The following ZNF362 variants were observed in gnomAD, a reference collection of about 807,000 sequenced individuals.
ZNF362 encodes zinc finger protein 362, also known as rotund homolog.
Under a neutral mutation model 42.9 loss-of-function variants are expected in ZNF362, and 11 were observed. The observed-to-expected ratio is 0.26, with a 90% confidence interval of 0.16 to 0.42. ZNF362 has a LOEUF of 0.42. ZNF362 is among the 20% of genes least tolerant of loss of function. The probability of loss-of-function intolerance (pLI) is 1.00; values close to 1 mark genes in which losing one functional copy is unlikely to be tolerated. For missense variants in ZNF362, 362 were observed against 576.2 expected (o/e 0.63, Z 3.81); for synonymous variants, 255 against 257.3 (o/e 0.99, Z 0.09).
the ZNF362 span, among the ~76,000 whole-genome samples, chr1:33,154,603 C>G: frequency 1.5e-4 from 22 of 147,060 alleles, no homozygotes; most frequent in East Asian, 1.0e-3. Context: ...TTCAAGACCA[C>G]CCTGGCCAAC....
the ZNF362 span, chr1:33,176,491 G>T: frequency 1.5e-6 from 1 of 681,686 alleles, no homozygotes; most frequent in Non-Finnish European, 2.7e-6. Context: ...GTCACATGAG[G>T]CCTGGAGGGG....
the ZNF362 span, among the ~76,000 whole-genome samples, chr1:33,172,549 G>C: frequency 1.3e-5 from 2 of 152,080 alleles, no homozygotes; most frequent in African/African-American, 4.8e-5. Flanking sequence ...CCATCGGAGC[G>C]GGGGTGGGCC....
chr1:33,159,419 G>T, the ZNF362 span, among the ~76,000 whole-genome samples: 1 of 152,090 alleles, frequency 6.6e-6, no homozygotes, highest in Non-Finnish European at 1.5e-5. The surrounding 1 kb of genome is among the most constrained non-coding windows in gnomAD (Gnocchi z 4.2). Context: ...CACCCCTAGA[G>T]CCAAGACAGC....
the ZNF362 span, among the ~76,000 whole-genome samples, chr1:33,172,573 T>C: frequency 1.3e-5 from 2 of 151,482 alleles, no homozygotes; most frequent in African/African-American, 4.9e-5. Context: ...CAGGATGAGG[T>C]GAGTGGGGAG....
intron 2 of ZNF362, among the ~76,000 whole-genome samples, chr1:33,271,202 C>T (rs1336800709): frequency 6.6e-6 from 1 of 152,228 alleles, no homozygotes; most frequent in African/African-American, 2.4e-5. Flanking sequence ...CCTTTAAGGT[C>T]TGGCCCCAGC....
At chr1:33,240,850 T>C in the ZNF362 span, among the ~76,000 whole-genome samples, 1 of 152,182 alleles carries the variant, frequency 6.6e-6, no homozygotes, top group Admixed American at 6.5e-5. Context: ...TGCGTGACAC[T>C]TTACAGAACT....
the ZNF362 span, chr1:33,181,280 G>A: frequency 2.6e-6 from 4 of 1,549,778 alleles, no homozygotes; most frequent in Non-Finnish European, 3.5e-6. The surrounding 1 kb of genome is among the most constrained non-coding windows in gnomAD (Gnocchi z 6.5). Flanking sequence ...GCCGGCACTC[G>A]GGGCAGTCGC....
At chr1:33,182,621 TGTG>T in the ZNF362 span, among the ~76,000 whole-genome samples, 1 of 151,860 alleles carries the variant, frequency 6.6e-6, no homozygotes, top group Non-Finnish European at 1.5e-5. Context: ...TGTGTGTGTG[TGTG>T]TGTGTGTGTG....
chr1:33,181,260 G>A, the ZNF362 span: 3 of 1,547,188 alleles, frequency 1.9e-6, no homozygotes, highest in Non-Finnish European at 2.6e-6. This position sits in a 1 kb window ranked among gnomAD's most constrained non-coding sequence, Gnocchi z 6.5. Flanking sequence ...CGCGGGCTCG[G>A]CGAACGTGCG....
chr1:33,194,006 T>C, the ZNF362 span, among the ~76,000 whole-genome samples: 3 of 152,262 alleles, frequency 2.0e-5, no homozygotes, highest in Non-Finnish European at 4.4e-5. Context: ...AATGTAAGTA[T>C]GTTTAAATGA....
chr1:33,139,293 T>C, the ZNF362 span, among the ~76,000 whole-genome samples: 1 of 152,096 alleles, frequency 6.6e-6, no homozygotes, highest in Non-Finnish European at 1.5e-5. Context: ...ATCTTGGAGA[T>C]GGGGTAGTTT....
At chr1:33,247,158 G>T in the ZNF362 span, among the ~76,000 whole-genome samples, 2 of 152,004 alleles carry the variant, frequency 1.3e-5, no homozygotes, top group African/African-American at 4.8e-5. Flanking sequence ...ATTTTTTTCT[G>T]TTTATTTGCT....
chr1:33,138,626 C>CAACAA, the ZNF362 span, among the ~76,000 whole-genome samples: 32 of 66,114 alleles, frequency 4.8e-4, no homozygotes, highest in Middle Eastern at 8.2e-3. Flanking sequence ...ACAACAACAA[C>CAACAA]AAAAAAAAAA....
At chr1:33,250,080 A>G in the ZNF362 span, among the ~76,000 whole-genome samples, 1 of 152,066 alleles carries the variant, frequency 6.6e-6, no homozygotes, top group Non-Finnish European at 1.5e-5. Flanking sequence ...TCATTCATTC[A>G]TTTATTCTCT....
At chr1:33,187,078 G>T in the ZNF362 span, among the ~76,000 whole-genome samples, 5 of 152,116 alleles carry the variant, frequency 3.3e-5, no homozygotes, top group Non-Finnish European at 7.4e-5. Flanking sequence ...CTGGGAAATG[G>T]TACAAAACCT....
At chr1:33,175,093 G>A in the ZNF362 span, among the ~76,000 whole-genome samples, 1 of 149,912 alleles carries the variant, frequency 6.7e-6, no homozygotes, top group South Asian at 2.1e-4. Context: ...AGGCTGGAGA[G>A]TAGTGGAATA....
the ZNF362 span, among the ~76,000 whole-genome samples, chr1:33,169,210 T>TA: frequency 6.6e-6 from 1 of 152,070 alleles, no homozygotes; most frequent in East Asian, 1.9e-4. Context: ...GCGATCGTGT[T>TA]AGGAGATCCC....
the ZNF362 span, among the ~76,000 whole-genome samples, chr1:33,177,546 A>G: frequency 4.3e-3 from 649 of 152,334 alleles, 6 homozygotes; most frequent in African/African-American, 0.015. The surrounding 1 kb of genome is among the most constrained non-coding windows in gnomAD (Gnocchi z 4.1). Context: ...AGGAGGTGAT[A>G]TTTGACCTGA....
chr1:33,192,635 G>A, the ZNF362 span, among the ~76,000 whole-genome samples: 1 of 152,148 alleles, frequency 6.6e-6, no homozygotes, highest in Non-Finnish European at 1.5e-5. Flanking sequence ...CAGAAATAAC[G>A]CATATGAAGG....
Sources: gnomAD v4.1 joint callset for allele counts (sites outside exome capture counted in the v4.1 genomes callset) on GRCh38, gnomAD v4.1.1 for gene constraint, Gnocchi (gnomAD v3.1) non-coding constraint, MANE v1.5 for transcripts, NCBI Gene and HGNC (gene_info 2026-07-23, HGNC 2026-07-21) for gene names.